Variants in CALN1 observed in about 807,000 individuals in gnomAD.
CALN1 encodes calcium-binding protein 8.
CALN1 carries 17 observed loss-of-function variants against 30.6 expected under a neutral mutation model. That is an observed-to-expected ratio of 0.56 (90% CI 0.38 to 0.83). The LOEUF is 0.83. Ranked by LOEUF, CALN1 falls within the 40% of genes least tolerant of loss-of-function variation. CALN1 has a pLI of 0.00. For missense variants in CALN1, 291 were observed against 354.9 expected, an observed-to-expected ratio of 0.82 and a Z score of 1.45; for synonymous variants, 156 against 131.4, an observed-to-expected ratio of 1.19 and a Z score of -1.28.
At chr7:72,496,894 G>A in the CALN1 span, among the ~76,000 whole-genome samples, 1 of 152,016 alleles carries the variant, frequency 6.6e-6, no homozygotes, top group Non-Finnish European at 1.5e-5. Context: ...GTTTTATTAG[G>A]GCTTATAGTC....
intron 4 of CALN1, among the ~76,000 whole-genome samples, chr7:72,028,080 A>T (rs844687): frequency 0.051 from 7,679 of 149,860 alleles, 753 homozygotes; most frequent in African/African-American, 0.18. Context: ...AAAAAAAAAA[A>T]AAAAACACAT....
chr7:72,393,484 A>C (rs901507992), intron 2 of CALN1, among the ~76,000 whole-genome samples: 6 of 152,052 alleles, frequency 3.9e-5, no homozygotes, highest in African/African-American at 7.2e-5. Context: ...ACAAACAAAA[A>C]AACTAGCATT....
chr7:72,138,228 A>G (rs1245242426), intron 3 of CALN1, among the ~76,000 whole-genome samples: 1 of 152,226 alleles, frequency 6.6e-6, no homozygotes, highest in Non-Finnish European at 1.5e-5. Context: ...TATGACATGT[A>G]AAGATGGAAT....
intron 5 of CALN1, among the ~76,000 whole-genome samples, chr7:71,823,120 T>C (rs1040603488): frequency 6.6e-6 from 1 of 152,164 alleles, no homozygotes; most frequent in Non-Finnish European, 1.5e-5. Context: ...TCTAGAATCA[T>C]ACAAATCTCC....
At chr7:72,170,238 C>G (rs970635903) in intron 3 of CALN1, among the ~76,000 whole-genome samples, 2 of 152,200 alleles carry the variant, frequency 1.3e-5, no homozygotes, top group African/African-American at 4.8e-5. Flanking sequence ...CTCAACCCTT[C>G]AAGTGGCTGG....
the CALN1 span, among the ~76,000 whole-genome samples, chr7:72,478,325 A>C: frequency 6.8e-6 from 1 of 147,570 alleles, no homozygotes; most frequent in Non-Finnish European, 1.5e-5. Flanking sequence ...ATATATTTAT[A>C]TTATATATTT....
chr7:71,936,538 A>C (rs1360207250), intron 5 of CALN1, among the ~76,000 whole-genome samples: 1 of 152,100 alleles, frequency 6.6e-6, no homozygotes, highest in Non-Finnish European at 1.5e-5. Context: ...GTCAACATGG[A>C]CACTGAGCTC....
At chr7:72,376,492 C>G (rs187290437) in intron 2 of CALN1, among the ~76,000 whole-genome samples, 1 of 152,294 alleles carries the variant, frequency 6.6e-6, no homozygotes, top group Non-Finnish European at 1.5e-5. Context: ...CATGTGCTTA[C>G]TGACTACTTG....
intron 2 of CALN1, among the ~76,000 whole-genome samples, chr7:72,376,360 G>T (rs1804554649): frequency 6.6e-6 from 1 of 152,142 alleles, no homozygotes; most frequent in Admixed American, 6.6e-5. Context: ...AATGCAAAAG[G>T]TTTACAATGT....
intron 5 of CALN1, among the ~76,000 whole-genome samples, chr7:71,902,646 C>T (rs138928749): frequency 6.6e-6 from 1 of 152,084 alleles, no homozygotes; most frequent in East Asian, 1.9e-4. Context: ...GGTATCTACC[C>T]GAAGGAAAAT....
chr7:72,391,126 T>A (rs1054831003), intron 2 of CALN1, among the ~76,000 whole-genome samples: 1 of 151,834 alleles, frequency 6.6e-6, no homozygotes, highest in Non-Finnish European at 1.5e-5. Context: ...GAGGATGGAG[T>A]AAAACAAATT....
At chr7:71,972,158 C>T (rs1291675447) in intron 5 of CALN1, among the ~76,000 whole-genome samples, 4 of 152,090 alleles carry the variant, frequency 2.6e-5, no homozygotes, top group Non-Finnish European at 5.9e-5. Flanking sequence ...CATCTGGACC[C>T]TGATATGTTT....
intron 5 of CALN1, among the ~76,000 whole-genome samples, chr7:71,886,940 T>C (rs945987249): frequency 6.6e-6 from 1 of 151,942 alleles, no homozygotes; most frequent in African/African-American, 2.4e-5. Context: ...AAAATAGGAT[T>C]AGGTACAAAG....
chr7:72,475,952 T>C, the CALN1 span, among the ~76,000 whole-genome samples: 1 of 142,588 alleles, frequency 7.0e-6, no homozygotes, highest in African/African-American at 2.6e-5. Context: ...TTTTTTTTTT[T>C]TTTTTTTTTT....
intron 5 of CALN1, among the ~76,000 whole-genome samples, chr7:71,977,808 T>A (rs1798174371): frequency 6.6e-6 from 1 of 151,854 alleles, no homozygotes; most frequent in Admixed American, 6.6e-5. Context: ...GGCGGGCGAC[T>A]GTAATCCCAG....
In CALN1 at chr7:72,144,667, T is replaced by C. The variant is rs1445172401; in HGVS notation, c.245-38373A>G. ...CTCTCCACCCAAAATCAACAGACTA[T>C]ACATTCTTCTCAGCACCACACTGCA... On this transcript the variant is annotated intron_variant, in intron 3 of 6. Coordinates refer to ENST00000395275, the MANE Select transcript of CALN1 (RefSeq NM_031468.4). Among the ~76,000 whole-genome samples, 3 of 152,164 alleles carry C rather than the reference T, an allele frequency of 2.0e-5. No individual in the cohort carries two copies. In the East Asian group the frequency reaches 5.8e-4, roughly 29 times the overall value.
intron 3 of CALN1, among the ~76,000 whole-genome samples, chr7:72,126,705 G>A (rs1486838555): frequency 6.8e-6 from 1 of 147,886 alleles, no homozygotes; most frequent in Non-Finnish European, 1.5e-5. Flanking sequence ...GAGAACATAT[G>A]ATATTTGGTT....
chr7:72,078,966 G>A (rs1804937318), intron 4 of CALN1, among the ~76,000 whole-genome samples: 1 of 152,128 alleles, frequency 6.6e-6, no homozygotes, highest in Admixed American at 6.6e-5. Context: ...AAACAGCCAG[G>A]GAGACAAAGA....
chr7:72,440,953 C>T (rs562025289), intron 1 of CALN1, among the ~76,000 whole-genome samples: 1 of 152,136 alleles, frequency 6.6e-6, no homozygotes, highest in South Asian at 2.1e-4. Context: ...TTTTTTGGTA[C>T]AAAATTTTTT....
Sources: allele counts gnomAD v4.1 joint callset (sites outside exome capture counted in the v4.1 genomes callset), GRCh38; gene constraint gnomAD v4.1.1; transcripts MANE v1.5; gene names NCBI Gene and HGNC (gene_info 2026-07-23, HGNC 2026-07-21).